Variants in KIF26B observed in about 807,000 individuals in gnomAD.
KIF26B encodes kinesin-like protein KIF26B.
In KIF26B, 63 loss-of-function variants were observed where a neutral mutation model predicts 151.2. The observed-to-expected ratio is 0.42, with a 90% CI of 0.34 to 0.51. KIF26B has a LOEUF of 0.51. Among genes scored for constraint, KIF26B ranks in the 20% least tolerant of loss-of-function variants. The pLI is 0.07. For missense variants in KIF26B, 2,813 were observed against 2,913.6 expected (o/e 0.97, Z 0.79); for synonymous variants, 1,357 against 1,262.1 (o/e 1.08, Z -1.59).
intron 2 of KIF26B, among the ~76,000 whole-genome samples, chr1:245,229,470 C>T (rs1050311754): frequency 3.9e-5 from 6 of 152,178 alleles, no homozygotes; most frequent in African/African-American, 1.4e-4. Flanking sequence ...GACTTACTAA[C>T]TTTCAACTTT....
At chr1:245,341,850 G>A (rs559144027) in intron 2 of KIF26B, among the ~76,000 whole-genome samples, 1 of 152,334 alleles carries the variant, frequency 6.6e-6, no homozygotes, top group East Asian at 1.9e-4. Flanking sequence ...GTGCACAGCT[G>A]TGCAGTGTCT....
intron 3 of KIF26B, among the ~76,000 whole-genome samples, chr1:245,386,689 A>C (rs986359746): frequency 2.0e-5 from 3 of 152,154 alleles, no homozygotes; most frequent in African/African-American, 7.2e-5. Context: ...TCCTATTTAC[A>C]GCTCTCCATC....
At chr1:245,545,102 AT>A (rs58563353) in intron 5 of KIF26B, among the ~76,000 whole-genome samples, 61,016 of 138,946 alleles carry the variant, frequency 0.44, 12,557 homozygotes, top group East Asian at 0.54. Context: ...ATACACAGCA[AT>A]TTTTTTTTTT....
intron 2 of KIF26B, among the ~76,000 whole-genome samples, chr1:245,210,772 C>G (rs191535268): frequency 3.9e-5 from 6 of 152,038 alleles, no homozygotes; most frequent in African/African-American, 1.4e-4. Context: ...GTGCAGGGAC[C>G]AAGGACATTC....
At chr1:245,289,493 G>A (rs1273597364) in intron 2 of KIF26B, among the ~76,000 whole-genome samples, 1 of 152,192 alleles carries the variant, frequency 6.6e-6, no homozygotes, top group Non-Finnish European at 1.5e-5. Context: ...TAATTAATTG[G>A]TGTAATCAGG....
At chr1:245,331,438 C>T (rs774758433) in intron 2 of KIF26B, among the ~76,000 whole-genome samples, 9 of 152,166 alleles carry the variant, frequency 5.9e-5, no homozygotes, top group Admixed American at 6.5e-5. Flanking sequence ...TAAATGAAAA[C>T]GCGGATCTGA....
chr1:245,559,732 T>TG (rs928812668), intron 5 of KIF26B, among the ~76,000 whole-genome samples: 9 of 152,106 alleles, frequency 5.9e-5, no homozygotes, highest in Admixed American at 1.3e-4. Flanking sequence ...TTTGTAGAGA[T>TG]GGGGGGTCTT....
chr1:245,371,846 T>C lies in KIF26B; in HGVS notation c.999+4479T>C, dbSNP rs530792762. On this transcript the variant is annotated intron_variant, in intron 3 of 14. Transcript: ENST00000407071. ...ATTTTAAAAAGAGTAATTTAGGAAG[T>C]ACTAAGATGACATCAAAAATGTTGA... The C allele has an allele frequency of 6.6e-4, 100 of 152,300 alleles. No individual in the cohort carries two copies. The Middle Eastern group carries it at 0.01, about 16-fold the overall frequency. The allele number at this position is 152,300 out of a possible 1,614,324, so 9.4% of individuals were successfully genotyped here.
chr1:245,408,915 A>T (rs4658460), intron 3 of KIF26B, among the ~76,000 whole-genome samples: 34,585 of 152,044 alleles, frequency 0.23, 6,055 homozygotes, highest in African/African-American at 0.49. Flanking sequence ...TGTCAATACA[A>T]ATAAAGCTCT....
At chr1:245,344,494 C>CAAAAAA (rs57007301) in intron 2 of KIF26B, among the ~76,000 whole-genome samples, 19 of 40,022 alleles carry the variant, frequency 4.7e-4, no homozygotes, top group African/African-American at 8.4e-4. Flanking sequence ...GACTCCGTCT[C>CAAAAAA]AAAAAAAAAA....
At chr1:245,184,752 C>T (rs1022485122) in intron 2 of KIF26B, among the ~76,000 whole-genome samples, 22 of 152,182 alleles carry the variant, frequency 1.4e-4, no homozygotes, top group Admixed American at 4.6e-4. Flanking sequence ...TTACTATAAA[C>T]GGAGGTGCAC....
At chr1:245,584,750 C>A (rs748918095) in intron 5 of KIF26B, among the ~76,000 whole-genome samples, 2 of 152,136 alleles carry the variant, frequency 1.3e-5, no homozygotes, top group Non-Finnish European at 2.9e-5. Context: ...GCTACAGAAC[C>A]AAATAAATAT....
At chr1:245,379,479 T>TC (rs1673352633) in intron 3 of KIF26B, among the ~76,000 whole-genome samples, 2 of 151,990 alleles carry the variant, frequency 1.3e-5, no homozygotes, top group African/African-American at 2.4e-5. Flanking sequence ...TTTATGATTT[T>TC]TTTTTTTTTT....
At chr1:245,259,921 C>T (rs7524807) in intron 2 of KIF26B, among the ~76,000 whole-genome samples, 83,161 of 138,416 alleles carry the variant, frequency 0.6, 25,527 homozygotes, top group African/African-American at 0.77. Flanking sequence ...AGTGACAGAG[C>T]GAGGTCCTGT....
chr1:245,685,850 C>G lies in KIF26B; in HGVS notation c.2867C>G (p.Pro956Arg). Residue 956 changes from proline to arginine, a missense_variant, in exon 12 of 15, where the codon CCA (proline) becomes CGA (arginine). Coordinates refer to ENST00000407071, the MANE Select transcript of KIF26B (RefSeq NM_018012.4). ...GAAGAACTGCCTGCTCAGTTTGGGC[C>G]AGAGCAGGCAAGCAGAGGCCCCCGG... is the stretch of plus-strand genomic sequence containing the variant. ...PFEELPAQFG[P>R]EQASRGPRLS... is the part of the protein sequence containing the mutation. 6.2e-7 allele frequency: 1 copy of G among 1,612,604 alleles called. No homozygotes were observed. The highest frequency in any genetic ancestry group is 1.1e-5 in the South Asian group (1 of 90,936).
At chr1:245,630,689 TG>T (rs1262533089) in intron 9 of KIF26B, among the ~76,000 whole-genome samples, 1 of 152,146 alleles carries the variant, frequency 6.6e-6, no homozygotes, top group African/African-American at 2.4e-5. Flanking sequence ...CCATAGTACA[TG>T]GATAACTATA....
chr1:245,222,725 T>TC, intron 2 of KIF26B, among the ~76,000 whole-genome samples: 1 of 152,238 alleles, frequency 6.6e-6, no homozygotes, highest in Admixed American at 6.5e-5. Flanking sequence ...ATAGAGTTTT[T>TC]CACACAAAAT....
intron 9 of KIF26B, among the ~76,000 whole-genome samples, chr1:245,643,479 A>G (rs1037738311): frequency 1.3e-5 from 2 of 152,246 alleles, no homozygotes; most frequent in African/African-American, 4.8e-5. Context: ...AAAACCTTAC[A>G]ATAGTATACT....
intron 3 of KIF26B, among the ~76,000 whole-genome samples, chr1:245,380,954 T>TG (rs756497126): frequency 0.01 from 548 of 53,470 alleles, 10 homozygotes; most frequent in African/African-American, 0.041. Flanking sequence ...GCCAAAAAGA[T>TG]GAAAAAAAAA....
Sources: gnomAD v4.1 joint callset for allele counts (sites outside exome capture counted in the v4.1 genomes callset) on GRCh38, gnomAD v4.1.1 for gene constraint, MANE v1.5 for transcripts, NCBI Gene and HGNC (gene_info 2026-07-23, HGNC 2026-07-21) for gene names.